WDR75: variants seen among roughly 807,000 people sequenced by gnomAD.
WDR75 encodes WD repeat-containing protein 75.
A neutral mutation model predicts 106.1 loss-of-function variants in WDR75; 52 were observed. That is an observed-to-expected ratio of 0.49 (90% CI 0.39 to 0.62). The LOEUF is 0.62. Ranked by LOEUF, WDR75 falls within the 20% of genes least tolerant of loss-of-function variation. WDR75 has a pLI of 0.00. For missense variants in WDR75, 905 were observed against 970.3 expected, an observed-to-expected ratio of 0.93 and a Z score of 0.89; for synonymous variants, 333 against 335.5, an observed-to-expected ratio of 0.99 and a Z score of 0.08.
At chr2:189,464,982 G>A (rs936673737) in intron 11 of WDR75, 97 bp from the exon 12 acceptor site, 1 of 941,214 alleles carries the variant, frequency 1.1e-6, no homozygotes, top group Non-Finnish European at 1.6e-6. Flanking sequence ...TACAGAAGTT[G>A]TCTTGGATGT....
At chr2:189,470,750 C>G in intron 17 of WDR75, 69 bp from the exon 18 acceptor site, 1 of 1,230,548 alleles carries the variant, frequency 8.1e-7, no homozygotes, top group Non-Finnish European at 1.1e-6. Context: ...TTTTTTAACA[C>G]CCTGTAACAC....
intron 8 of WDR75, 85 bp downstream of exon 8, chr2:189,459,509 T>G: frequency 7.6e-7 from 1 of 1,312,450 alleles, no homozygotes; most frequent in Non-Finnish European, 1.1e-6. Flanking sequence ...TTTGGAAGAT[T>G]TAAAACTGCA....
intron 4 of WDR75, among the ~76,000 whole-genome samples, chr2:189,453,030 G>A (rs1392399307): frequency 6.6e-6 from 1 of 152,182 alleles, no homozygotes; most frequent in Non-Finnish European, 1.5e-5. Flanking sequence ...TAAGTTAGAT[G>A]TGGTGGCTAC....
chr2:189,445,971 A>G (rs959533074), intron 1 of WDR75, among the ~76,000 whole-genome samples: 2 of 152,210 alleles, frequency 1.3e-5, no homozygotes, highest in Non-Finnish European at 2.9e-5. Flanking sequence ...AAGAGAGGAT[A>G]TTCCTTTTTT....
At chr2:189,474,839 C>G (rs1687181412) in intron 20 of WDR75, 31 bp downstream of exon 20, 2 of 1,550,720 alleles carry the variant, frequency 1.3e-6, no homozygotes, top group South Asian at 2.2e-5. Flanking sequence ...GGTTTGGACA[C>G]TCTCTTTTGG....
intron 17 of WDR75, 109 bp downstream of exon 17, chr2:189,470,354 G>A: frequency 7.9e-7 from 1 of 1,263,392 alleles, no homozygotes; most frequent in Non-Finnish European, 1.1e-6. Flanking sequence ...TTCATTAAAG[G>A]ATTATTTCCC....
chr2:189,459,465 A>G (rs370103237), intron 8 of WDR75, 41 bp downstream of exon 8: 18 of 1,535,498 alleles, frequency 1.2e-5, no homozygotes, highest in African/African-American at 2.7e-5. Flanking sequence ...TTTTGAAGAT[A>G]TGATTCAAGT....
Position 189,475,362 on chromosome 2 carries a change from A to G in WDR75, c.2438A>G (p.Glu813Gly), listed in dbSNP as rs1358939102. 1 of 1,612,660 alleles carries G rather than the reference A, an allele frequency of 6.2e-7. No individual in the cohort carries two copies. The highest frequency in any genetic ancestry group is 1.3e-5 in the African/African-American group (1 of 75,008). ...ATACATCAGTTGTCAAAATCTGAAG[A>G]AAAAGAACTGAGAAAATTTAGGAAA... ...DIIHQLSKSE[E>G]KELRKFRKID... The change falls in exon 21 of 21, where the codon GAA becomes GGA. Residue 813 changes from glutamate (E) to glycine (G), a missense_variant. Coordinates refer to ENST00000314761, the MANE Select transcript of WDR75 (RefSeq NM_032168.3).
At chr2:189,458,990 T>C (rs1004994943) in intron 7 of WDR75, 118 bp downstream of exon 7, 6 of 1,241,126 alleles carry the variant, frequency 4.8e-6, no homozygotes, top group African/African-American at 1.6e-5. Context: ...TTGTGTGCTT[T>C]TCATTTCATA....
chr2:189,475,190 ATT>A lies in WDR75; in HGVS notation c.2289-20_2289-19del, dbSNP rs1687189032. 2.2e-5 allele frequency: 34 copies of A among 1,540,960 alleles called. No individual in the cohort carries two copies. The East Asian group carries it at 7.7e-4, about 35-fold the overall frequency. On this transcript the variant is annotated intron_variant, in intron 20 of 20. Transcript: ENST00000314761. Reference sequence around the variant, plus strand: ...TTTAGAAACATTTAATAGTGTTTATATTTTATTCTGTTATTGTTAAAGTGCTA... The same window carrying A: ...TTTAGAAACATTTAATAGTGTTTATATTATTCTGTTATTGTTAAAGTGCTA...
At chr2:189,469,480 A>G in intron 16 of WDR75, 41 bp downstream of exon 16, 1 of 1,502,508 alleles carries the variant, frequency 6.7e-7, no homozygotes, top group Admixed American at 1.7e-5. Flanking sequence ...AACATCTATG[A>G]CCTAAGTTTT....
chr2:189,464,160 G>C (rs897549565), intron 11 of WDR75, 199 bp downstream of exon 11: 91 of 573,716 alleles, frequency 1.6e-4, no homozygotes, highest in Non-Finnish European at 2.2e-4. Context: ...ATGTAAGCCA[G>C]TTGGCACTCC....
intron 15 of WDR75, among the ~76,000 whole-genome samples, 175 bp from the exon 16 acceptor site, chr2:189,469,169 G>T (rs1291845507): frequency 6.6e-6 from 1 of 152,154 alleles, no homozygotes; most frequent in African/African-American, 2.4e-5. Flanking sequence ...TACAGTTCCA[G>T]TATGTTTTTC....
At chr2:189,468,635 A>G in intron 15 of WDR75, 66 bp downstream of exon 15, 2 of 1,517,890 alleles carry the variant, frequency 1.3e-6, no homozygotes, top group South Asian at 1.1e-5. Flanking sequence ...AAACTTTGGC[A>G]TTTTAGGACT....
At chr2:189,452,645 C>G (rs1686651765) in intron 4 of WDR75, among the ~76,000 whole-genome samples, 1 of 151,952 alleles carries the variant, frequency 6.6e-6, no homozygotes, top group Admixed American at 6.6e-5. Flanking sequence ...GAACATTGGT[C>G]CATTGAAACT....
At chr2:189,469,973 T>G in intron 16 of WDR75, 103 bp from the exon 17 acceptor site, 2 of 1,010,358 alleles carry the variant, frequency 2.0e-6, no homozygotes, top group Non-Finnish European at 3.0e-6. Context: ...TTGGGCCAGT[T>G]ACTCAATGGG....
intron 8 of WDR75, 52 bp from the exon 9 acceptor site, chr2:189,462,432 C>G: frequency 4.4e-6 from 7 of 1,574,738 alleles, no homozygotes; most frequent in Non-Finnish European, 6.0e-6. Flanking sequence ...ATTTTTCTTT[C>G]TCTTTTTTCC....
intron 1 of WDR75, among the ~76,000 whole-genome samples, chr2:189,445,504 G>C (rs1686480004): frequency 6.6e-6 from 1 of 152,268 alleles, no homozygotes; most frequent in African/African-American, 2.4e-5. Context: ...TAAAGCAGTA[G>C]TCAAGAGTTC....
chr2:189,454,401 A>T (rs1686689863), intron 4 of WDR75, among the ~76,000 whole-genome samples: 1 of 152,240 alleles, frequency 6.6e-6, no homozygotes, highest in Non-Finnish European at 1.5e-5. Context: ...GAAAACTCTC[A>T]GATGATTTGT....
Sources: gnomAD v4.1 joint callset for allele counts (sites outside exome capture counted in the v4.1 genomes callset) on GRCh38, gnomAD v4.1.1 for gene constraint, MANE v1.5 for transcripts, NCBI Gene and HGNC (gene_info 2026-07-23, HGNC 2026-07-21) for gene names.